COL24A1: variants seen among roughly 807,000 people sequenced by gnomAD.
The protein encoded by COL24A1 is collagen type XXIV alpha 1 chain.
In COL24A1, 224 loss-of-function variants were observed where a neutral mutation model predicts 253.9. The ratio of observed to expected loss-of-function variants is 0.88; its 90% CI spans 0.79 to 0.99. The LOEUF is 0.99. COL24A1 is among the 50% of genes least tolerant of loss of function. The probability of loss-of-function intolerance (pLI) is 0.00; values close to 1 mark genes in which losing one functional copy is unlikely to be tolerated. For synonymous variants in COL24A1, 685 were observed against 673.7 expected, an observed-to-expected ratio of 1.02 and a Z score of -0.26; for missense variants, 2,131 against 2,068.5, an observed-to-expected ratio of 1.03 and a Z score of -0.59.
Position 86,069,657 on chromosome 1 carries a change from A to AAG in COL24A1, c.1708-5900_1708-5899dup, listed in dbSNP as rs142284997. On this transcript the variant is annotated intron_variant, in intron 7 of 59. Transcript: ENST00000370571. The stretch of plus-strand genomic sequence containing the variant: ...ACCCACAGTTCCAGCTGGCCCAGCA[A>AAG]AGAGAGAGAGAGAGAGGAGAGACTC... Among the ~76,000 whole-genome samples the AAG allele has an allele frequency of 1.3e-4, 20 of 150,716 alleles. 1 individual carries two copies. The highest frequency in any genetic ancestry group is 7.8e-4 in the East Asian group (4 of 5,138).
At chr1:85,951,454 GGT>G (rs1322636284) in intron 24 of COL24A1, among the ~76,000 whole-genome samples, 1 of 152,108 alleles carries the variant, frequency 6.6e-6, no homozygotes, top group African/African-American at 2.4e-5. Flanking sequence ...GGTCTTTAGA[GGT>G]GACAGAAACA....
chr1:85,832,676 C>A (rs1675454289), intron 43 of COL24A1, among the ~76,000 whole-genome samples: 1 of 150,960 alleles, frequency 6.6e-6, no homozygotes, highest in South Asian at 2.1e-4. Context: ...GTATTTTATT[C>A]TCTTTGAAGC....
intron 31 of COL24A1, among the ~76,000 whole-genome samples, chr1:85,890,627 C>G (rs1683020408): frequency 6.6e-6 from 1 of 151,938 alleles, no homozygotes; most frequent in African/African-American, 2.4e-5. Context: ...TTCTTTATAT[C>G]TACCCCTATT....
At chr1:86,150,115 GA>G (rs1311910744) in intron 1 of COL24A1, among the ~76,000 whole-genome samples, 1 of 152,142 alleles carries the variant, frequency 6.6e-6, no homozygotes, top group Non-Finnish European at 1.5e-5. Context: ...GTATATGTCT[GA>G]AATGCCCTAC....
chr1:85,813,365 G>A (rs1488028334), intron 47 of COL24A1, among the ~76,000 whole-genome samples: 4 of 150,444 alleles, frequency 2.7e-5, no homozygotes, highest in African/African-American at 9.8e-5. Flanking sequence ...TCATTAATAT[G>A]ATTATCCCAA....
chr1:86,010,344 CAAA>C (rs1195936353), intron 19 of COL24A1, among the ~76,000 whole-genome samples: 1 of 152,008 alleles, frequency 6.6e-6, no homozygotes, highest in Non-Finnish European at 1.5e-5. Flanking sequence ...CCCTAATACC[CAAA>C]TAATTCTTAA....
chr1:85,885,879 A>T (rs989710825), intron 32 of COL24A1, among the ~76,000 whole-genome samples: 2 of 152,140 alleles, frequency 1.3e-5, no homozygotes, highest in Non-Finnish European at 2.9e-5. Context: ...AGTTTTTGTT[A>T]TCAGGCATCT....
At chr1:86,071,197 T>C (rs1701848344) in intron 7 of COL24A1, among the ~76,000 whole-genome samples, 1 of 152,058 alleles carries the variant, frequency 6.6e-6, no homozygotes, top group South Asian at 2.1e-4. Flanking sequence ...GGATATAAGA[T>C]AGTATTTGCA....
intron 37 of COL24A1, among the ~76,000 whole-genome samples, chr1:85,862,176 A>C (rs1679228350): frequency 6.6e-6 from 1 of 152,090 alleles, no homozygotes; most frequent in Non-Finnish European, 1.5e-5. Flanking sequence ...TGATCTTTTA[A>C]TCTTTCAGTC....
chr1:85,877,246 T>A, intron 32 of COL24A1, 71 bp from the exon 33 acceptor site: 2 of 1,065,390 alleles, frequency 1.9e-6, no homozygotes, highest in Non-Finnish European at 2.7e-6. Flanking sequence ...TTCATCTGGA[T>A]ATGGGTTTTA....
At chr1:85,981,971 G>A (rs538442346) in intron 20 of COL24A1, among the ~76,000 whole-genome samples, 6 of 152,202 alleles carry the variant, frequency 3.9e-5, no homozygotes, top group African/African-American at 1.4e-4. Flanking sequence ...TGCACTGCTA[G>A]GTTCATTGCA....
intron 37 of COL24A1, among the ~76,000 whole-genome samples, chr1:85,859,601 AT>A (rs1175784337): frequency 6.6e-6 from 1 of 151,706 alleles, no homozygotes; most frequent in Non-Finnish European, 1.5e-5. Context: ...TTGTTGTTAT[AT>A]TTTTTTTAGG....
chr1:86,034,351 T>C (rs1698831897), intron 12 of COL24A1, among the ~76,000 whole-genome samples: 2 of 152,172 alleles, frequency 1.3e-5, no homozygotes. Context: ...AAAGGGTTTA[T>C]GCACATAATT....
At chr1:85,732,006 G>T (rs1315483709) in intron 59 of COL24A1, among the ~76,000 whole-genome samples, 1 of 152,106 alleles carries the variant, frequency 6.6e-6, no homozygotes, top group Non-Finnish European at 1.5e-5. Context: ...GTAGAAAGTG[G>T]CTGTGAAAAT....
chr1:85,786,590 G>T, intron 47 of COL24A1, 129 bp from the exon 48 acceptor site: 1 of 560,442 alleles, frequency 1.8e-6, no homozygotes, highest in Non-Finnish European at 2.9e-6. Context: ...AGTTATCCTG[G>T]GCTTCTTTCC....
Position 85,911,426 on chromosome 1 carries a change from A to G in COL24A1, c.2570T>C (p.Val857Ala). ...NIGKIGETGP[V>A]GLPGEVGMTG... ...CATCCCAACTTCTCCAGGTAAGCCA[A>G]CAGGTCCCTTTTAGGAAAAAAAAAT... The change falls in exon 25 of 60, where the codon GTT becomes GCT. Residue 857 changes from valine to alanine, a missense_variant. Physicochemically the swap from Val to Ala is moderately conservative, Grantham distance 64. Transcript: ENST00000370571. 6.2e-7 allele frequency: 1 copy of G among 1,612,310 alleles called. No individual in the cohort carries two copies.
intron 24 of COL24A1, among the ~76,000 whole-genome samples, chr1:85,940,670 G>A (rs979320583): frequency 1.1e-4 from 16 of 152,082 alleles, no homozygotes; most frequent in Non-Finnish European, 2.4e-4. Flanking sequence ...AAAACTGAAT[G>A]GTCTGCTTAG....
chr1:85,792,975 C>A (rs1477248001), intron 47 of COL24A1, among the ~76,000 whole-genome samples: 1 of 151,882 alleles, frequency 6.6e-6, no homozygotes, highest in African/African-American at 2.4e-5. Flanking sequence ...GATGTTTTGG[C>A]TCAAGACAGA....
intron 59 of COL24A1, among the ~76,000 whole-genome samples, chr1:85,733,845 G>A (rs979713978): frequency 1.3e-5 from 2 of 150,910 alleles, no homozygotes; most frequent in African/African-American, 4.9e-5. Context: ...CTCCCAAAGT[G>A]CTGGGATTAC....
Sources: allele counts gnomAD v4.1 joint callset (sites outside exome capture counted in the v4.1 genomes callset), GRCh38; gene constraint gnomAD v4.1.1; transcripts MANE v1.5; gene names NCBI Gene and HGNC (gene_info 2026-07-23, HGNC 2026-07-21).